Variants in ANO3 observed in about 807,000 individuals in gnomAD.
The protein encoded by ANO3 is anoctamin-3.
Under a neutral mutation model 144.8 loss-of-function variants are expected in ANO3, and 99 were observed. The ratio of observed to expected loss-of-function variants is 0.68; its 90% CI spans 0.58 to 0.81. The LOEUF (loss-of-function observed/expected upper bound fraction) is 0.81, where lower values mean the gene tolerates loss of function less well. Ranked by LOEUF, ANO3 falls within the 30% of genes least tolerant of loss-of-function variation. The pLI is 0.00. For missense variants in ANO3, 905 were observed against 1,202.2 expected, an observed-to-expected ratio of 0.75 and a Z score of 3.66; for synonymous variants, 414 against 392.6, an observed-to-expected ratio of 1.05 and a Z score of -0.64.
At chr11:26,327,861 G>T (rs549401944), upstream of ANO3, among the ~76,000 whole-genome samples, 1 of 152,242 alleles carries the variant, frequency 6.6e-6, no homozygotes, top group East Asian at 1.9e-4. Flanking sequence ...AAACAACATG[G>T]ATTTAATCCT....
intron 4 of ANO3, among the ~76,000 whole-genome samples, chr11:26,476,565 G>T (rs1354553249): frequency 6.6e-6 from 1 of 152,038 alleles, no homozygotes; most frequent in African/African-American, 2.4e-5. Context: ...GGTCTATGAG[G>T]AGGAGTTTGA....
chr11:26,627,610 T>TGGGAAAATC (rs1206498015), intron 18 of ANO3, among the ~76,000 whole-genome samples: 1 of 152,076 alleles, frequency 6.6e-6, no homozygotes, highest in East Asian at 1.9e-4. Flanking sequence ...GAGAATGACT[T>TGGGAAAATC]GGGAAAATCA....
At chr11:26,594,672 G>A (rs1851555691) in intron 14 of ANO3, among the ~76,000 whole-genome samples, 1 of 152,052 alleles carries the variant, frequency 6.6e-6, no homozygotes, top group African/African-American at 2.4e-5. Context: ...TGGGTTGAAG[G>A]GGGGTCTTTA....
chr11:26,268,786 A>G (rs897815563), intron 1 of ANO3, among the ~76,000 whole-genome samples: 1 of 152,170 alleles, frequency 6.6e-6, no homozygotes, highest in African/African-American at 2.4e-5. Flanking sequence ...TTCACTGACA[A>G]CATAGTTTTC....
chr11:26,660,494 T>C lies in ANO3; in HGVS notation c.*50T>C, dbSNP rs1045541460. 7 of 1,515,542 alleles carry C rather than the reference T, an allele frequency of 4.6e-6. No homozygotes were observed. The highest frequency in any genetic ancestry group is 5.3e-6 in the Non-Finnish European group (6 of 1,128,642). The allele number at this position is 1,515,542 out of a possible 1,614,324, so 93.9% of individuals were successfully genotyped here. A position where few individuals can be genotyped will look rare whatever the true frequency, so the allele number is the denominator to read the frequency against. ...TGATAACATTAATGGGAAGAAATGA[T>C]GGCAACTTTGAATGCTAGGTGAAAT... On this transcript the variant is annotated 3_prime_UTR_variant, in exon 27 of 27. Transcript: ENST00000256737.
intron 7 of ANO3, among the ~76,000 whole-genome samples, chr11:26,527,862 A>T (rs1849204928): frequency 1.8e-5 from 2 of 108,214 alleles, no homozygotes; most frequent in African/African-American, 5.5e-5. Flanking sequence ...TTTTGCAGAT[A>T]GGAAAACAAA....
intron 8 of ANO3, among the ~76,000 whole-genome samples, chr11:26,533,152 C>A (rs777831615): frequency 7.9e-5 from 12 of 151,744 alleles, no homozygotes; most frequent in Non-Finnish European, 1.3e-4. Context: ...AGAGTAAAAT[C>A]AATGTATTAA....
At chr11:26,261,642 C>T (rs1853191984) in intron 1 of ANO3, among the ~76,000 whole-genome samples, 1 of 152,202 alleles carries the variant, frequency 6.6e-6, no homozygotes, top group African/African-American at 2.4e-5. Flanking sequence ...TATTCCACAA[C>T]CGACAGTCAC....
At chr11:26,520,313 T>A (rs1341616499) in intron 6 of ANO3, among the ~76,000 whole-genome samples, 1 of 152,190 alleles carries the variant, frequency 6.6e-6, no homozygotes, top group Non-Finnish European at 1.5e-5. Flanking sequence ...ATTCATTTTT[T>A]AATTACCTGG....
At chr11:26,340,094 T>C (rs1855315619) in intron 1 of ANO3, among the ~76,000 whole-genome samples, 1 of 152,198 alleles carries the variant, frequency 6.6e-6, no homozygotes, top group Admixed American at 6.5e-5. Flanking sequence ...TGCATTGTAT[T>C]GGTTGTGGTA....
intron 14 of ANO3, among the ~76,000 whole-genome samples, chr11:26,564,851 A>G (rs1256144292): frequency 6.9e-6 from 1 of 144,862 alleles, no homozygotes; most frequent in East Asian, 2.1e-4. Context: ...GATTCATTGA[A>G]AATTGTTACC....
intron 1 of ANO3, among the ~76,000 whole-genome samples, chr11:26,257,849 C>T (rs1853095397): frequency 1.3e-5 from 2 of 151,814 alleles, no homozygotes; most frequent in Non-Finnish European, 2.9e-5. Flanking sequence ...TCTAGTGTTC[C>T]CTTCAGAAGT....
At chr11:26,481,416 G>A (rs1307531568) in intron 4 of ANO3, among the ~76,000 whole-genome samples, 1 of 152,150 alleles carries the variant, frequency 6.6e-6, no homozygotes, top group Non-Finnish European at 1.5e-5. Flanking sequence ...CTTTACAGTA[G>A]AGGTGGAAAA....
At chr11:26,599,505 A>C in intron 16 of ANO3, 45 bp from the exon 17 acceptor site, 1 of 1,582,592 alleles carries the variant, frequency 6.3e-7, no homozygotes, top group Non-Finnish European at 8.6e-7. Context: ...TTGACTTGTT[A>C]ATGATGTAAA....
rs1020598395 is a variant in ANO3 at position 26,303,681 on chromosome 11, A to G, written c.155-5964A>G. Among the ~76,000 whole-genome samples, 4 of 152,286 alleles carry G rather than the reference A, an allele frequency of 2.6e-5. No homozygotes were observed. The East Asian group carries it at 7.7e-4, about 29-fold the overall frequency. On this transcript the variant is annotated intron_variant, in intron 1 of 27. Coordinates refer to the ANO3 transcript ENST00000672621. Reference sequence around the variant, plus strand: ...ACCCATGTAACAAACCTACAAATGTACCACTTGAATCTAAAATAAAAGTTG... The same window carrying G: ...ACCCATGTAACAAACCTACAAATGTGCCACTTGAATCTAAAATAAAAGTTG...
intron 1 of ANO3, among the ~76,000 whole-genome samples, chr11:26,407,084 ATATATATATG>A (rs1857308976): frequency 7.0e-6 from 1 of 142,802 alleles, no homozygotes; most frequent in Non-Finnish European, 1.5e-5. Flanking sequence ...GTGTATATAT[ATATATATATG>A]TATATATATG....
intron 1 of ANO3, among the ~76,000 whole-genome samples, chr11:26,231,116 A>G (rs1762765275): frequency 6.6e-6 from 1 of 151,970 alleles, no homozygotes; most frequent in South Asian, 2.1e-4. Context: ...TTACTTCATG[A>G]TCCACCCGCC....
chr11:26,297,840 A>G (rs1338420196), intron 1 of ANO3, among the ~76,000 whole-genome samples: 1 of 152,200 alleles, frequency 6.6e-6, no homozygotes, highest in Non-Finnish European at 1.5e-5. Flanking sequence ...TATCAGGGAA[A>G]GGAGGCTGAG....
At chr11:26,497,285 T>C (rs567281724) in intron 4 of ANO3, among the ~76,000 whole-genome samples, 1 of 152,136 alleles carries the variant, frequency 6.6e-6, no homozygotes, top group Admixed American at 6.5e-5. Flanking sequence ...TATAGGTTGA[T>C]TTCACATCTT....
Sources: allele counts gnomAD v4.1 joint callset (sites outside exome capture counted in the v4.1 genomes callset), GRCh38; gene constraint gnomAD v4.1.1; transcripts MANE v1.5; gene names NCBI Gene and HGNC (gene_info 2026-07-23, HGNC 2026-07-21).